CELF2: variants seen among roughly 807,000 people sequenced by gnomAD.
CELF2 encodes CUGBP Elav-like family member 2.
A neutral mutation model predicts 62.6 loss-of-function variants in CELF2; 8 were observed. The ratio of observed to expected loss-of-function variants is 0.13; its 90% CI spans 0.07 to 0.23. The LOEUF (loss-of-function observed/expected upper bound fraction) is 0.23. Among genes scored for constraint, CELF2 ranks in the 10% least tolerant of loss-of-function variants. The pLI, the probability that CELF2 is intolerant of heterozygous loss-of-function variation, is 1.00. For missense variants in CELF2, 333 were observed against 671.0 expected, an observed-to-expected ratio of 0.50 and a Z score of 5.56; for synonymous variants, 258 against 250.0, an observed-to-expected ratio of 1.03 and a Z score of -0.30.
At chr10:11,194,501 T>G (rs2056891607) in intron 2 of CELF2, among the ~76,000 whole-genome samples, 1 of 152,168 alleles carries the variant, frequency 6.6e-6, no homozygotes, top group Non-Finnish European at 1.5e-5. Context: ...CTAGAACCAG[T>G]AAGTCCTTTC....
At chr10:11,271,699 G>T (rs1330393037) in intron 7 of CELF2, among the ~76,000 whole-genome samples, 4 of 136,472 alleles carry the variant, frequency 2.9e-5, no homozygotes, top group Non-Finnish European at 6.4e-5. Flanking sequence ...TTTTATTCCA[G>T]CCTCAGAGAG....
rs1173577889 is a variant in CELF2 at position 11,243,140 on chromosome 10, G to A, written c.355-6013G>A. 1.3e-5 allele frequency among the ~76,000 whole-genome samples: 2 copies of A among 152,096 alleles called. No homozygotes were observed. The highest frequency in any genetic ancestry group is 3.9e-4 in the East Asian group (2 of 5,190). On this transcript the variant is annotated intron_variant, in intron 3 of 12. Coordinates refer to ENST00000633077, the MANE Select transcript of CELF2 (RefSeq NM_001326342.2). The surrounding 1 kb of genome is among the most constrained non-coding windows in gnomAD (Gnocchi z 4.1). ...TGAGCTCCACCTTCATTGTGCATAG[G>A]ACGCTGATTCTTAGTACACAGCAGC...
the CELF2 span, among the ~76,000 whole-genome samples, chr10:10,540,140 A>T: frequency 6.6e-6 from 1 of 152,234 alleles, no homozygotes; most frequent in African/African-American, 2.4e-5. Flanking sequence ...TGCTGGGGAC[A>T]GCCTTCCTCA....
the CELF2 span, among the ~76,000 whole-genome samples, chr10:10,538,870 G>T: frequency 6.6e-6 from 1 of 152,142 alleles, no homozygotes; most frequent in Non-Finnish European, 1.5e-5. Flanking sequence ...TCTGATTTTC[G>T]TTAGCATTTT....
intron 1 of CELF2, among the ~76,000 whole-genome samples, chr10:11,099,221 G>T (rs1265675221): frequency 6.6e-6 from 1 of 152,176 alleles, no homozygotes; most frequent in African/African-American, 2.4e-5. Flanking sequence ...ATACCACTGT[G>T]TTGCATGGGC....
chr10:10,764,665 T>A, the CELF2 span, among the ~76,000 whole-genome samples: 1 of 152,192 alleles, frequency 6.6e-6, no homozygotes, highest in Non-Finnish European at 1.5e-5. Context: ...AATCTTAATT[T>A]CCCATTCCTT....
At chr10:10,733,002 C>G in the CELF2 span, among the ~76,000 whole-genome samples, 1 of 152,184 alleles carries the variant, frequency 6.6e-6, no homozygotes, top group Admixed American at 6.5e-5. Context: ...AATCATCAAG[C>G]AGTGAGGAAT....
At chr10:10,761,720 T>C in the CELF2 span, among the ~76,000 whole-genome samples, 18 of 152,156 alleles carry the variant, frequency 1.2e-4, no homozygotes, top group African/African-American at 4.1e-4. Context: ...AACTGAAACG[T>C]TAGCTCTGGG....
chr10:11,201,602 G>T (rs1156386982), intron 2 of CELF2, among the ~76,000 whole-genome samples: 1 of 152,224 alleles, frequency 6.6e-6, no homozygotes, highest in African/African-American at 2.4e-5. Flanking sequence ...TTCACCATGA[G>T]CTCTGTTCCA....
the CELF2 span, among the ~76,000 whole-genome samples, chr10:10,645,732 T>C: frequency 6.6e-6 from 1 of 152,256 alleles, no homozygotes; most frequent in African/African-American, 2.4e-5. Context: ...TCCTGTTCAC[T>C]GTACATCTCC....
chr10:11,264,391 C>CT, intron 5 of CELF2, among the ~76,000 whole-genome samples: 1 of 152,316 alleles, frequency 6.6e-6, no homozygotes, highest in East Asian at 1.9e-4. Flanking sequence ...CATTTGGAAA[C>CT]TGTCAGCTTG....
At chr10:11,085,093 G>A (rs1200769698) in intron 1 of CELF2, among the ~76,000 whole-genome samples, 7 of 152,086 alleles carry the variant, frequency 4.6e-5, no homozygotes, top group Admixed American at 2.6e-4. Flanking sequence ...TTTCATTTAC[G>A]TAAAATATTG....
intron 7 of CELF2, among the ~76,000 whole-genome samples, chr10:11,271,187 A>G (rs1198686436): frequency 1.3e-5 from 2 of 152,152 alleles, no homozygotes; most frequent in Admixed American, 1.3e-4. Flanking sequence ...CTCAGGTGAA[A>G]TCTCCCAGAA....
In CELF2 at chr10:11,220,179, C is replaced by CT. The variant is rs2064413159; in HGVS notation, c.354+2678dup. Among the ~76,000 whole-genome samples the CT allele has an allele frequency of 6.6e-6, 1 of 152,138 alleles. No homozygotes were observed. The highest frequency in any genetic ancestry group is 2.4e-5 in the African/African-American group (1 of 41,426). On this transcript the variant is annotated intron_variant, in intron 3 of 12. Transcript: ENST00000633077. The surrounding 1 kb of genome is among the most constrained non-coding windows in gnomAD (Gnocchi z 4.4). ...AATCCATTAAAAAGTCACTTGCTGC[C>CT]TTTTTTCTAAAGTGTCCAAAACTTT...
In CELF2 at chr10:11,300,747, G is replaced by T. The variant is rs1394287591; in HGVS notation, c.976+12195G>T. ...TCTTTTCCTGCGCAGTTGGAATTCC[G>T]CATCCAAGCTCGTTTGAGGCAAAAC... On this transcript the variant is annotated intron_variant, in intron 9 of 12. Coordinates refer to ENST00000633077, the MANE Select transcript of CELF2 (RefSeq NM_001326342.2). This position sits in a 1 kb window ranked among gnomAD's most constrained non-coding sequence, Gnocchi z 5.5. 6.6e-6 allele frequency among the ~76,000 whole-genome samples: 1 copy of T among 152,090 alleles called. No homozygotes were observed. The highest frequency in any genetic ancestry group is 2.4e-5 in the African/African-American group (1 of 41,382).
At position 11,012,389 on chromosome 10, in the gene CELF2, ATG is replaced by A. The variant is rs2056607265; in HGVS notation, c.53+6951_53+6952del. On this transcript the variant is annotated intron_variant, in intron 1 of 12. Transcript: ENST00000416382. This position sits in a 1 kb window ranked among gnomAD's most constrained non-coding sequence, Gnocchi z 5.5. ...TCTTAATCCTCACTCTTTTTTCAAG[ATG>A]TATTTGTTCAGAAAAAGGACAGACA... Among the ~76,000 whole-genome samples the A allele has an allele frequency of 6.6e-6, 1 of 152,102 alleles. No homozygotes were observed. The highest frequency in any genetic ancestry group is 6.5e-5 in the Admixed American group (1 of 15,268).
At chr10:11,015,856 A>G (rs144368148), upstream of CELF2, among the ~76,000 whole-genome samples, 958 of 152,330 alleles carry the variant, frequency 6.3e-3, 6 homozygotes, top group Admixed American at 0.01. This position sits in a 1 kb window ranked among gnomAD's most constrained non-coding sequence, Gnocchi z 4.8. Context: ...CAACTAATTC[A>G]CATGCAATTA....
At chr10:11,193,354 G>A (rs1368259282) in intron 2 of CELF2, among the ~76,000 whole-genome samples, 1 of 152,220 alleles carries the variant, frequency 6.6e-6, no homozygotes, top group Non-Finnish European at 1.5e-5. Context: ...CTGGGAGCCT[G>A]TAAGAAATCA....
At chr10:11,198,077 G>A (rs142555530) in intron 2 of CELF2, among the ~76,000 whole-genome samples, 5 of 152,274 alleles carry the variant, frequency 3.3e-5, no homozygotes, top group South Asian at 2.1e-4. Context: ...GTGGTTCCAC[G>A]GCTTTTAACG....
Sources: gnomAD v4.1 joint callset for allele counts (sites outside exome capture counted in the v4.1 genomes callset) on GRCh38, gnomAD v4.1.1 for gene constraint, Gnocchi (gnomAD v3.1) non-coding constraint, MANE v1.5 for transcripts, NCBI Gene and HGNC (gene_info 2026-07-23, HGNC 2026-07-21) for gene names.